ERC1: variants seen among roughly 807,000 people sequenced by gnomAD.
The protein encoded by ERC1 is RAB6 interacting protein 2.
Under a neutral mutation model 132.0 loss-of-function variants are expected in ERC1, and 56 were observed. The ratio of observed to expected loss-of-function variants is 0.42; its 90% CI spans 0.34 to 0.53. The LOEUF (loss-of-function observed/expected upper bound fraction) is 0.53, where lower values mean the gene tolerates loss of function less well. Among genes scored for constraint, ERC1 ranks in the 20% least tolerant of loss-of-function variants. The pLI is 0.03. For synonymous variants in ERC1, 478 were observed against 476.1 expected (o/e 1.00, Z -0.05); for missense variants, 1,202 against 1,349.9 (o/e 0.89, Z 1.72).
intron 15 of ERC1, among the ~76,000 whole-genome samples, chr12:1,300,331 G>C (rs1159170842): frequency 6.6e-6 from 1 of 152,094 alleles, no homozygotes; most frequent in Non-Finnish European, 1.5e-5. Context: ...ATGGATTAAA[G>C]ACTTAAATGT....
chr12:1,131,461 G>T (rs182419084), intron 7 of ERC1, among the ~76,000 whole-genome samples: 225 of 152,194 alleles, frequency 1.5e-3, no homozygotes, highest in African/African-American at 5.3e-3. Flanking sequence ...TACGTTGAGA[G>T]AATTGGTTTT....
chr12:1,110,645 GT>G, intron 5 of ERC1, among the ~76,000 whole-genome samples: 1 of 152,140 alleles, frequency 6.6e-6, no homozygotes, highest in East Asian at 1.9e-4. Context: ...TTCCAGATGA[GT>G]TTTTCTCACT....
At chr12:1,169,218 A>G (rs188782171) in intron 8 of ERC1, among the ~76,000 whole-genome samples, 3 of 152,338 alleles carry the variant, frequency 2.0e-5, no homozygotes, top group African/African-American at 4.8e-5. Context: ...GATGCAACCT[A>G]GGTCTCTCCT....
intron 15 of ERC1, among the ~76,000 whole-genome samples, chr12:1,315,288 A>G (rs2081604270): frequency 6.6e-6 from 1 of 151,892 alleles, no homozygotes; most frequent in African/African-American, 2.4e-5. Flanking sequence ...AAGTGCTGGG[A>G]TTATAGAAGT....
rs149833085 is a variant in ERC1, at chr12:1,083,313, G to A, written c.819G>A (p.Glu273=). The stretch of plus-strand genomic sequence containing the variant: ...AGAACTTTCAGAGGCTTCATGCTGA[G>A]CATGAGCGGCAGGCCAAAGAGCTGT... ...TEENFQRLHA[E]HERQAKELFL... is the part of the protein sequence containing the mutation. The change falls in exon 3 of 19, where the codon GAG becomes GAA. Residue 273 remains glutamate (E), a synonymous_variant. Transcript: ENST00000360905. 2.6e-5 allele frequency: 42 copies of A among 1,614,180 alleles called. No individual in the cohort carries two copies. In the African/African-American group the frequency reaches 5.5e-4, roughly 21 times the overall value.
chr12:1,044,516 T>C lies in ERC1; in HGVS notation c.669+15944T>C, dbSNP rs1390097789. 3.3e-5 allele frequency among the ~76,000 whole-genome samples: 5 copies of C among 152,190 alleles called. No homozygotes were observed. The East Asian group carries it at 7.7e-4, about 23-fold the overall frequency. On this transcript the variant is annotated intron_variant, in intron 2 of 18. Transcript: ENST00000360905. ...TGACAAATGGGGATCATAATACTTG[T>C]ATTGTTGTTGGAATATTTAAGTGAG...
intron 17 of ERC1, among the ~76,000 whole-genome samples, chr12:1,427,854 T>C (rs2092685655): frequency 6.6e-6 from 1 of 152,214 alleles, no homozygotes; most frequent in Non-Finnish European, 1.5e-5. Context: ...GAGGGTGACA[T>C]TGAGGCAGAG....
At chr12:1,306,358 C>A (rs578148134) in intron 15 of ERC1, among the ~76,000 whole-genome samples, 3 of 152,176 alleles carry the variant, frequency 2.0e-5, no homozygotes, top group African/African-American at 7.2e-5. Flanking sequence ...AATTGCTCCA[C>A]CCGTTAATAC....
At chr12:1,093,389 G>C (rs1943500807) in intron 3 of ERC1, among the ~76,000 whole-genome samples, 2 of 152,156 alleles carry the variant, frequency 1.3e-5, no homozygotes, top group African/African-American at 4.8e-5. Flanking sequence ...GGCAAGACTT[G>C]GTTAGTGCTG....
intron 14 of ERC1, among the ~76,000 whole-genome samples, chr12:1,286,972 T>C (rs2079080572): frequency 6.6e-6 from 1 of 152,204 alleles, no homozygotes; most frequent in Admixed American, 6.5e-5. Context: ...AGTTCAAGAA[T>C]AGCTAAGATG....
At chr12:1,373,608 C>T (rs953588664) in intron 16 of ERC1, among the ~76,000 whole-genome samples, 2 of 152,114 alleles carry the variant, frequency 1.3e-5, no homozygotes, top group Non-Finnish European at 2.9e-5. Flanking sequence ...GGTGAAACCC[C>T]GTCTCCACTA....
intron 12 of ERC1, among the ~76,000 whole-genome samples, chr12:1,228,363 T>TTTCTTTTTAG (rs772044343): frequency 0.46 from 69,166 of 151,110 alleles, 17,646 homozygotes; most frequent in African/African-American, 0.69. Context: ...TATACAAAAA[T>TTTCTTTTTAG]ATACAACTAA....
chr12:1,364,387 A>T (rs1222730465), intron 15 of ERC1, among the ~76,000 whole-genome samples: 1 of 152,036 alleles, frequency 6.6e-6, no homozygotes, highest in East Asian at 1.9e-4. Flanking sequence ...AAATCAAATC[A>T]CTTCTCATTC....
chr12:1,460,003 G>A (rs144774030), intron 18 of ERC1, among the ~76,000 whole-genome samples: 1 of 152,192 alleles, frequency 6.6e-6, no homozygotes, highest in Admixed American at 6.5e-5. Context: ...ATTAATTAAT[G>A]AATGATATGA....
At chr12:1,321,342 G>GTGTGTGTGTATATA (rs112838015) in intron 15 of ERC1, among the ~76,000 whole-genome samples, 2 of 152,014 alleles carry the variant, frequency 1.3e-5, no homozygotes, top group East Asian at 1.9e-4. Flanking sequence ...GTGTGTGTGT[G>GTGTGTGTGTATATA]TATATTTTGC....
chr12:1,454,107 A>G (rs1044073446), intron 18 of ERC1, among the ~76,000 whole-genome samples: 14 of 152,102 alleles, frequency 9.2e-5, no homozygotes, highest in African/African-American at 2.4e-4. Context: ...CCCGTGGCCA[A>G]TGATGTAATT....
intron 12 of ERC1, among the ~76,000 whole-genome samples, chr12:1,219,512 C>A (rs940688021): frequency 2.0e-5 from 3 of 152,154 alleles, no homozygotes; most frequent in African/African-American, 7.2e-5. Context: ...TCAATGATTC[C>A]ATTCGATTCT....
chr12:1,093,981 A>T (rs192578111), intron 3 of ERC1, among the ~76,000 whole-genome samples: 34 of 131,974 alleles, frequency 2.6e-4, no homozygotes, highest in African/African-American at 7.3e-4. Context: ...ATATATATAT[A>T]TATAGAAAAA....
intron 17 of ERC1, among the ~76,000 whole-genome samples, chr12:1,441,346 C>T (rs1444977746): frequency 1.3e-5 from 2 of 152,180 alleles, no homozygotes; most frequent in African/African-American, 2.4e-5. Context: ...CAGGCATGAG[C>T]CACCGTGCCC....
Sources: gnomAD v4.1 joint callset for allele counts (sites outside exome capture counted in the v4.1 genomes callset) on GRCh38, gnomAD v4.1.1 for gene constraint, MANE v1.5 for transcripts, NCBI Gene and HGNC (gene_info 2026-07-23, HGNC 2026-07-21) for gene names.